Variants in GRID2 observed in about 807,000 individuals in gnomAD.
GRID2 encodes the protein glutamate receptor ionotropic, delta-2.
A neutral mutation model predicts 114.8 loss-of-function variants in GRID2; 33 were observed. That is an observed-to-expected ratio of 0.29 (90% confidence interval 0.22 to 0.38). The LOEUF is 0.38. Ranked by LOEUF, GRID2 falls within the 10% of genes least tolerant of loss-of-function variation. The probability of loss-of-function intolerance (pLI) is 1.00; values close to 1 mark genes in which losing one functional copy is unlikely to be tolerated. For synonymous variants in GRID2, 505 were observed against 449.9 expected (o/e 1.12, Z -1.55); for missense variants, 1,184 against 1,257.7 (o/e 0.94, Z 0.89).
intron 2 of GRID2, among the ~76,000 whole-genome samples, chr4:92,732,901 G>T (rs545799352): frequency 6.6e-6 from 1 of 152,122 alleles, no homozygotes; most frequent in African/African-American, 2.4e-5. Flanking sequence ...CAATTTTGTG[G>T]CTGTAAGGCC....
chr4:92,431,248 T>C (rs1732425973), intron 1 of GRID2, among the ~76,000 whole-genome samples: 1 of 152,218 alleles, frequency 6.6e-6, no homozygotes. Context: ...ATTTGTCATA[T>C]ATGGCTTGTA....
chr4:92,952,368 G>A (rs931702456), intron 2 of GRID2, among the ~76,000 whole-genome samples: 1 of 152,044 alleles, frequency 6.6e-6, no homozygotes, highest in Non-Finnish European at 1.5e-5. Context: ...TATTCATTGA[G>A]GATAATAGAT....
intron 8 of GRID2, among the ~76,000 whole-genome samples, chr4:93,353,176 A>G (rs1022744162): frequency 9.9e-5 from 15 of 152,042 alleles, no homozygotes; most frequent in Non-Finnish European, 1.9e-4. Context: ...GTGGACTTCC[A>G]TGGTTCATAC....
rs1019183737 is a variant in GRID2, at chr4:93,623,153, CT to C, written c.2194-3108del. On this transcript the variant is annotated intron_variant, in intron 13 of 15. Transcript: ENST00000282020. ...AAAAGTTTTATGATGGCAGATGATT[CT>C]TTTTTTTATTATTATTATACTTTAA... 5.3e-5 allele frequency among the ~76,000 whole-genome samples: 8 copies of C among 151,774 alleles called. No homozygotes were observed. The South Asian group carries it at 8.4e-4, about 16-fold the overall frequency.
chr4:92,520,657 T>C (rs965152567), intron 1 of GRID2, among the ~76,000 whole-genome samples: 17 of 151,926 alleles, frequency 1.1e-4, no homozygotes, highest in Admixed American at 6.6e-5. Context: ...TTACCTCCAT[T>C]GGGGAGTGCT....
intron 2 of GRID2, among the ~76,000 whole-genome samples, chr4:93,039,924 C>CT (rs1421236111): frequency 6.6e-6 from 1 of 152,136 alleles, no homozygotes; most frequent in East Asian, 1.9e-4. Flanking sequence ...AAAAGTTGGG[C>CT]TACATAACTC....
At chr4:92,885,673 A>G (rs1187961007) in intron 2 of GRID2, among the ~76,000 whole-genome samples, 1 of 152,214 alleles carries the variant, frequency 6.6e-6, no homozygotes, top group Non-Finnish European at 1.5e-5. Flanking sequence ...GATGACTCTC[A>G]GAAATTACTT....
intron 2 of GRID2, among the ~76,000 whole-genome samples, chr4:92,901,342 T>G (rs1007177255): frequency 3.9e-5 from 6 of 152,190 alleles, no homozygotes; most frequent in Non-Finnish European, 8.8e-5. Flanking sequence ...TGAGCAATTT[T>G]TCATATGCTT....
At chr4:93,721,814 C>A (rs1373301354) in intron 14 of GRID2, among the ~76,000 whole-genome samples, 1 of 151,746 alleles carries the variant, frequency 6.6e-6, no homozygotes, top group Non-Finnish European at 1.5e-5. Flanking sequence ...TTTATTTAAT[C>A]TTCATAATAA....
intron 1 of GRID2, among the ~76,000 whole-genome samples, chr4:92,498,318 T>C (rs1723495111): frequency 6.6e-6 from 1 of 151,904 alleles, no homozygotes; most frequent in African/African-American, 2.4e-5. Context: ...CAGGAACTTA[T>C]TTAGAAGAAA....
intron 13 of GRID2, among the ~76,000 whole-genome samples, chr4:93,588,418 A>G (rs959468787): frequency 6.6e-6 from 1 of 152,172 alleles, no homozygotes; most frequent in Admixed American, 6.6e-5. Context: ...GTTCAGAGTT[A>G]TAGATAACCT....
intron 2 of GRID2, among the ~76,000 whole-genome samples, chr4:92,685,064 TTTG>T (rs1466418806): frequency 6.6e-6 from 1 of 152,086 alleles, no homozygotes; most frequent in East Asian, 1.9e-4. Flanking sequence ...ACTTATTTCC[TTTG>T]TTAACTCGTA....
intron 1 of GRID2, among the ~76,000 whole-genome samples, chr4:92,533,610 C>G (rs1181703980): frequency 1.3e-5 from 2 of 152,132 alleles, no homozygotes; most frequent in East Asian, 3.9e-4. Context: ...TGTTCATCCC[C>G]TTTCTTTATT....
At chr4:92,905,005 A>G (rs1399683483) in intron 2 of GRID2, among the ~76,000 whole-genome samples, 1 of 152,080 alleles carries the variant, frequency 6.6e-6, no homozygotes, top group Admixed American at 6.6e-5. Flanking sequence ...CTACATCAAT[A>G]TAAGCAGTCT....
intron 1 of GRID2, among the ~76,000 whole-genome samples, chr4:92,470,347 A>G (rs541197012): frequency 3.5e-5 from 5 of 144,696 alleles, no homozygotes; most frequent in East Asian, 4.0e-4. Context: ...AGACACAAAC[A>G]TGTTTTTTTT....
intron 1 of GRID2, among the ~76,000 whole-genome samples, chr4:92,412,197 C>A (rs1309770764): frequency 2.0e-5 from 3 of 151,968 alleles, no homozygotes; most frequent in African/African-American, 7.3e-5. Flanking sequence ...GGTTTATACT[C>A]TGATTTCTAT....
intron 2 of GRID2, among the ~76,000 whole-genome samples, chr4:92,765,788 C>A (rs1738231564): frequency 6.6e-6 from 1 of 152,148 alleles, no homozygotes; most frequent in Admixed American, 6.5e-5. Flanking sequence ...CCTCAACTCC[C>A]AGCACAGAGA....
intron 1 of GRID2, among the ~76,000 whole-genome samples, chr4:92,432,372 G>A (rs1035671909): frequency 2.6e-5 from 4 of 152,048 alleles, no homozygotes; most frequent in African/African-American, 7.2e-5. Flanking sequence ...CAGAAATGCC[G>A]TTTGGGGACC....
chr4:93,696,119 G>A (rs190289145), intron 14 of GRID2, among the ~76,000 whole-genome samples: 1 of 152,302 alleles, frequency 6.6e-6, no homozygotes, highest in Non-Finnish European at 1.5e-5. Flanking sequence ...TATTCCACAT[G>A]TTTTTCCCAG....
Sources: allele counts gnomAD v4.1 joint callset (sites outside exome capture counted in the v4.1 genomes callset), GRCh38; gene constraint gnomAD v4.1.1; transcripts MANE v1.5; gene names NCBI Gene and HGNC (gene_info 2026-07-23, HGNC 2026-07-21).